Variants in ARHGEF4 observed in about 807,000 individuals in gnomAD.
The protein encoded by ARHGEF4 is Rho guanine nucleotide exchange factor 4, also known as APC-stimulated guanine nucleotide exchange factor 1.
ARHGEF4 carries 119 observed loss-of-function variants against 162.0 expected under a neutral mutation model. That is an observed-to-expected ratio of 0.73 (90% CI 0.63 to 0.86). The LOEUF (loss-of-function observed/expected upper bound fraction) is 0.86, where lower values mean the gene tolerates loss of function less well. Ranked by LOEUF, ARHGEF4 falls within the 40% of genes least tolerant of loss-of-function variation. The probability of loss-of-function intolerance (pLI) is 0.00; values close to 1 mark genes in which losing one functional copy is unlikely to be tolerated. For synonymous variants in ARHGEF4, 1,014 were observed against 979.9 expected, an observed-to-expected ratio of 1.03 and a Z score of -0.65; for missense variants, 2,488 against 2,456.0, an observed-to-expected ratio of 1.01 and a Z score of -0.28.
intron 1 of ARHGEF4, among the ~76,000 whole-genome samples, chr2:130,905,739 T>A (rs1680774477): frequency 6.6e-6 from 1 of 152,216 alleles, no homozygotes; most frequent in South Asian, 2.1e-4. Flanking sequence ...CAGTATATTG[T>A]TATAATTACT....
chr2:130,921,436 A>T (rs954672829), intron 2 of ARHGEF4, among the ~76,000 whole-genome samples: 6 of 151,978 alleles, frequency 3.9e-5, no homozygotes, highest in Non-Finnish European at 8.8e-5. Flanking sequence ...GTGCATGTAT[A>T]TTTCTGTGGG....
chr2:131,009,815 G>A (rs930651832), intron 4 of ARHGEF4, among the ~76,000 whole-genome samples: 2 of 152,078 alleles, frequency 1.3e-5, no homozygotes, highest in African/African-American at 2.4e-5. Context: ...CACCTGCATC[G>A]CCTAAGTGCT....
At chr2:131,030,624 G>A (rs574459497) in intron 5 of ARHGEF4, among the ~76,000 whole-genome samples, 2 of 152,346 alleles carry the variant, frequency 1.3e-5, no homozygotes, top group African/African-American at 4.8e-5. Flanking sequence ...TGGCATCCAC[G>A]CGCCTCATGA....
chr2:130,847,773 G>C (rs1390620253), intron 1 of ARHGEF4, among the ~76,000 whole-genome samples: 1 of 152,236 alleles, frequency 6.6e-6, no homozygotes, highest in Non-Finnish European at 1.5e-5. Flanking sequence ...TGCTGGCTTA[G>C]AGAAGGTGAG....
At chr2:131,035,430 G>A (rs1443835774) in intron 5 of ARHGEF4, 2 of 565,432 alleles carry the variant, frequency 3.5e-6, no homozygotes, top group South Asian at 8.9e-5. Flanking sequence ...CCTGAGGGGC[G>A]TGGTGGCACG....
intron 6 of ARHGEF4, 89 bp downstream of exon 6, chr2:131,039,121 G>A: frequency 6.9e-7 from 1 of 1,442,994 alleles, no homozygotes; most frequent in Non-Finnish European, 9.2e-7. Flanking sequence ...AACAGCTCTG[G>A]CATCCTAGGT....
At chr2:130,910,097 C>T (rs936498718) in intron 1 of ARHGEF4, among the ~76,000 whole-genome samples, 1 of 152,008 alleles carries the variant, frequency 6.6e-6, no homozygotes, top group African/African-American at 2.4e-5. Flanking sequence ...GGAGAAATAC[C>T]TAATGTAGGT....
intron 4 of ARHGEF4, among the ~76,000 whole-genome samples, chr2:131,004,066 T>C (rs1332263012): frequency 6.6e-6 from 1 of 151,954 alleles, no homozygotes; most frequent in Non-Finnish European, 1.5e-5. Context: ...CAGACCCACC[T>C]CTGGGAAAGA....
intron 1 of ARHGEF4, among the ~76,000 whole-genome samples, chr2:130,845,775 AG>A (rs113774719): frequency 1.3e-5 from 2 of 152,338 alleles, no homozygotes; most frequent in African/African-American, 4.8e-5. Flanking sequence ...GAGCAGCACT[AG>A]GAGGGAGGGA....
At chr2:130,987,591 T>G (rs376749398) in intron 4 of ARHGEF4, among the ~76,000 whole-genome samples, 1 of 152,298 alleles carries the variant, frequency 6.6e-6, no homozygotes, top group East Asian at 1.9e-4. Flanking sequence ...ACTTTTAGAA[T>G]CCTGCTGATT....
chr2:131,035,529 G>T, intron 5 of ARHGEF4: 1 of 490,920 alleles, frequency 2.0e-6, no homozygotes, highest in Non-Finnish European at 2.8e-6. Context: ...GCGTCTCTGC[G>T]AGTAACCGAG....
chr2:130,874,182 C>T (rs775693929), intron 1 of ARHGEF4, among the ~76,000 whole-genome samples: 1 of 152,256 alleles, frequency 6.6e-6, no homozygotes, highest in African/African-American at 2.4e-5. Context: ...AACGGAGGCT[C>T]AGTCCCTGCA....
At chr2:130,952,602 A>G (rs1432592011) in intron 4 of ARHGEF4, among the ~76,000 whole-genome samples, 1 of 152,218 alleles carries the variant, frequency 6.6e-6, no homozygotes, top group East Asian at 1.9e-4. Flanking sequence ...ATATTCAGTT[A>G]AGAAAAGAGA....
chr2:131,036,362 G>A (rs1371939826), intron 5 of ARHGEF4, among the ~76,000 whole-genome samples: 1 of 152,204 alleles, frequency 6.6e-6, no homozygotes, highest in Non-Finnish European at 1.5e-5. Context: ...CCTTACATTG[G>A]TGGGAGACAC....
intron 4 of ARHGEF4, among the ~76,000 whole-genome samples, chr2:130,971,994 C>T (rs1685404347): frequency 6.6e-6 from 1 of 152,176 alleles, no homozygotes; most frequent in Non-Finnish European, 1.5e-5. Context: ...CCAGTTTTTC[C>T]AACAGGCCTT....
At chr2:130,885,564 CT>C (rs961513941) in intron 1 of ARHGEF4, among the ~76,000 whole-genome samples, 9,464 of 100,358 alleles carry the variant, frequency 0.094, 523 homozygotes, top group African/African-American at 0.21. Context: ...TTTTCTTATT[CT>C]TTTTTTTTTT....
At chr2:130,864,683 C>A (rs372235022) in intron 1 of ARHGEF4, among the ~76,000 whole-genome samples, 178 of 152,296 alleles carry the variant, frequency 1.2e-3, no homozygotes, top group African/African-American at 4.1e-3. Flanking sequence ...GAGATCATGC[C>A]ACTGCACTCC....
intron 11 of ARHGEF4, chr2:131,043,814 T>C (rs1053229269): frequency 1.8e-6 from 1 of 568,156 alleles, no homozygotes; most frequent in South Asian, 2.0e-5. Flanking sequence ...GAGCATGATC[T>C]TTCCTGACCT....
intron 2 of ARHGEF4, among the ~76,000 whole-genome samples, chr2:130,928,834 CA>C (rs1014318774): frequency 1.2e-4 from 19 of 152,266 alleles, no homozygotes; most frequent in African/African-American, 4.6e-4. Context: ...TATCCCACCC[CA>C]AAGTCTGCTT....
Sources: gnomAD v4.1 joint callset for allele counts (sites outside exome capture counted in the v4.1 genomes callset) on GRCh38, gnomAD v4.1.1 for gene constraint, MANE v1.5 for transcripts, NCBI Gene and HGNC (gene_info 2026-07-23, HGNC 2026-07-21) for gene names.